Variants in RNF139 observed in about 807,000 individuals in gnomAD.
The protein encoded by RNF139 is ring finger protein 139.
RNF139 carries 15 observed loss-of-function variants against 49.5 expected under a neutral mutation model. The observed-to-expected ratio is 0.30, with a 90% CI of 0.20 to 0.47. The LOEUF is 0.47. Among genes scored for constraint, RNF139 ranks in the 20% least tolerant of loss-of-function variants. The pLI is 1.00. For synonymous variants in RNF139, 325 were observed against 300.9 expected (o/e 1.08, Z -0.83); for missense variants, 619 against 806.3 (o/e 0.77, Z 2.81).
In RNF139 at chr8:124,486,219, A is replaced by G. The variant is rs775793524; in HGVS notation, c.570A>G (p.Thr190=). 2.5e-6 allele frequency: 4 copies of G among 1,614,070 alleles called. No homozygotes were observed. The highest frequency in any genetic ancestry group is 2.2e-5 in the South Asian group (2 of 91,082). The change falls in exon 2 of 2, where the codon ACA becomes ACG. Residue 190 remains threonine (T), a synonymous_variant. Coordinates refer to ENST00000303545, the MANE Select transcript of RNF139 (RefSeq NM_007218.4). The part of the protein sequence containing the change: ...FTSSLILTLN[T]VFVLAVKLKW... ...CTTCCTTGATTCTCACATTAAATAC[A>G]GTGTTTGTCCTGGCAGTGAAACTGA...
In RNF139 at chr8:124,487,723, C is replaced by A; in HGVS notation, c.*79C>A. The A allele has an allele frequency of 7.3e-7, 1 of 1,375,016 alleles. No individual in the cohort carries two copies. The highest frequency in any genetic ancestry group is 9.8e-7 in the Non-Finnish European group (1 of 1,019,688). The allele number at this position is 1,375,016 out of a possible 1,614,324, so 85.2% of individuals were successfully genotyped here. A position where few individuals can be genotyped will look rare whatever the true frequency, so the allele number is the denominator to read the frequency against. Reference sequence around the variant, plus strand: ...AAAATGGAGTAATATCCTTCACCTTCAGTGTGTAACCAAGCACAAAAACAG... The same window carrying A: ...AAAATGGAGTAATATCCTTCACCTTAAGTGTGTAACCAAGCACAAAAACAG... On this transcript the variant is annotated 3_prime_UTR_variant, in exon 2 of 2. Coordinates refer to ENST00000303545, the MANE Select transcript of RNF139 (RefSeq NM_007218.4).
chr8:124,482,936 A>T lies in RNF139; in HGVS notation c.182-2895A>T, dbSNP rs543128453. 4.9e-4 allele frequency among the ~76,000 whole-genome samples: 46 copies of T among 94,608 alleles called. 1 individual carries two copies. Among genetic ancestry groups the T allele is most frequent in the Admixed American group, 1.5e-3 (10 of 6,826 alleles). 62.1% of individuals were successfully genotyped at this position (94,608 alleles called of 152,430 possible). A position where few individuals can be genotyped will look rare whatever the true frequency, so the allele number is the denominator to read the frequency against. On this transcript the variant is annotated intron_variant, in intron 1 of 1. Coordinates refer to ENST00000303545, the MANE Select transcript of RNF139 (RefSeq NM_007218.4). Reference sequence around the variant, plus strand: ...AGCGAAACTCCATTAAAAAAAATATAAAAAAAAATATATATATATATAATA... The same window carrying T: ...AGCGAAACTCCATTAAAAAAAATATTAAAAAAAATATATATATATATAATA...
rs1287844497 is a variant in RNF139, at chr8:124,485,072, A to AT, written c.182-758dup. On this transcript the variant is annotated intron_variant, in intron 1 of 1. Transcript: ENST00000303545. ...TTCCTAAAGAATCCTTTAAAAAAAA[A>AT]TCTAAAACTTGGCTGGGTGCGGTGG... 3.3e-5 allele frequency among the ~76,000 whole-genome samples: 5 copies of AT among 152,028 alleles called. No homozygotes were observed. In the East Asian group the frequency reaches 9.6e-4, roughly 29 times the overall value.
intron 1 of RNF139, among the ~76,000 whole-genome samples, chr8:124,482,733 C>A (rs1816436467): frequency 6.6e-6 from 1 of 150,878 alleles, no homozygotes; most frequent in Non-Finnish European, 1.5e-5. Context: ...TTGAGACCAG[C>A]CTGACCAACG....
At chr8:124,485,736 A>G (rs1816516937) in intron 1 of RNF139, 95 bp from the exon 2 acceptor site, 1 of 1,061,542 alleles carries the variant, frequency 9.4e-7, no homozygotes, top group Non-Finnish European at 1.3e-6. Context: ...GAAAATATTC[A>G]TATTTCCTAA....
At chr8:124,475,942 C>T (rs1050498446) in intron 1 of RNF139, among the ~76,000 whole-genome samples, 5 of 152,316 alleles carry the variant, frequency 3.3e-5, no homozygotes, top group African/African-American at 9.6e-5. Context: ...GCCAAAGAGA[C>T]TTCTGAAAAT....
At chr8:124,476,922 G>T (rs1048693240) in intron 1 of RNF139, among the ~76,000 whole-genome samples, 2 of 152,156 alleles carry the variant, frequency 1.3e-5, no homozygotes, top group African/African-American at 4.8e-5. Context: ...TATTTTCCTT[G>T]TACTAGGCAT....
At position 124,486,858 on chromosome 8, in the gene RNF139, T is replaced by C; in HGVS notation, c.1209T>C (p.Pro403=). ...LFVSACLFIL[P]VLLSYVLWHH... Reference sequence around the variant, plus strand: ...TCTCTGCTTGCCTGTTTATTCTTCCTGTCTTACTCAGTTATGTTCTTTGGC... The same window carrying C: ...TCTCTGCTTGCCTGTTTATTCTTCCCGTCTTACTCAGTTATGTTCTTTGGC... The change falls in exon 2 of 2, where the codon CCT becomes CCC. Residue 403 remains proline (P), a synonymous_variant. Coordinates refer to ENST00000303545, the MANE Select transcript of RNF139 (RefSeq NM_007218.4). 1.2e-6 allele frequency: 2 copies of C among 1,613,960 alleles called. No individual in the cohort carries two copies. The highest frequency in any genetic ancestry group is 1.7e-6 in the Non-Finnish European group (2 of 1,179,992).
chr8:124,483,990 A>G (rs1014836380), intron 1 of RNF139, among the ~76,000 whole-genome samples: 2 of 152,184 alleles, frequency 1.3e-5, no homozygotes, highest in Non-Finnish European at 2.9e-5. Context: ...TTATACTTAG[A>G]TAACTGCAGA....
rs150293365 is a variant in RNF139, at chr8:124,474,895, A to AGCCGCCGCC, written c.-208_-200dup. ...ACCGAAACCCAGAGACCTCCTGGGG[A>AGCCGCCGCC]GCCGCCGCCGCCGCCCTCTCGGCCA... On this transcript the variant is annotated 5_prime_UTR_variant, in exon 1 of 2. Coordinates refer to ENST00000303545, the MANE Select transcript of RNF139 (RefSeq NM_007218.4). The surrounding 1 kb of genome is among the most constrained non-coding windows in gnomAD (Gnocchi z 4.6). The AGCCGCCGCC allele has an allele frequency of 6.4e-6, 2 of 312,970 alleles. No homozygotes were observed. Among genetic ancestry groups the AGCCGCCGCC allele is most frequent in the Non-Finnish European group, 1.2e-5 (2 of 173,370 alleles). 19.4% of individuals were successfully genotyped at this position (312,970 alleles called of 1,614,324 possible).
chr8:124,484,708 T>A (rs796151328), intron 1 of RNF139, among the ~76,000 whole-genome samples: 11 of 152,312 alleles, frequency 7.2e-5, no homozygotes, highest in African/African-American at 2.4e-4. Flanking sequence ...ACTTAAAATA[T>A]GCATTTCTGT....
chr8:124,487,187 A>G lies in RNF139; in HGVS notation c.1538A>G (p.Lys513Arg). The change falls in exon 2 of 2, where the codon AAA becomes AGA. Residue 513 changes from lysine to arginine, a missense_variant. Transcript: ENST00000303545. ...TATTTTAACATCTACTTACAAGCCA[A>G]AAATGGCTGGAAGACATTTATGAAT... ...HAYFNIYLQA[K>R]NGWKTFMNRR... The G allele has an allele frequency of 1.2e-6, 2 of 1,614,080 alleles. No homozygotes were observed. The highest frequency in any genetic ancestry group is 1.7e-6 in the Non-Finnish European group (2 of 1,180,000).
intron 1 of RNF139, among the ~76,000 whole-genome samples, chr8:124,483,107 A>ATATTATTTAAATATATATATAT (rs1403803842): frequency 1.0e-3 from 2 of 1,912 alleles, no homozygotes; most frequent in African/African-American, 0.011. Context: ...AAATATATAT[A>ATATTATTTAAATATATATATAT]TTAAAAATAT....
chr8:124,478,736 T>A (rs1816353438), intron 1 of RNF139, among the ~76,000 whole-genome samples: 1 of 151,934 alleles, frequency 6.6e-6, no homozygotes, highest in African/African-American at 2.4e-5. Context: ...TTTTTTTTTT[T>A]TGAGACGGAG....
intron 1 of RNF139, among the ~76,000 whole-genome samples, chr8:124,483,010 AATAT>A (rs368206010): frequency 5.7e-5 from 4 of 69,982 alleles, no homozygotes; most frequent in Non-Finnish European, 1.0e-4. Flanking sequence ...ATATATTAAA[AATAT>A]ATATATATAT....
In RNF139 at chr8:124,480,161, C is replaced by A. The variant is rs1455051894; in HGVS notation, c.181+4871C>A. ...TCTTAAAAAAAAAAAATAGTCATTT[C>A]TAAGTGTATTCTTACCTAGATGTAT... is the stretch of plus-strand genomic sequence containing the variant. On this transcript the variant is annotated intron_variant, in intron 1 of 1. Transcript: ENST00000303545. Among the ~76,000 whole-genome samples the A allele has an allele frequency of 2.6e-5, 4 of 151,076 alleles. No individual in the cohort carries two copies. The East Asian group carries it at 8.0e-4, about 30-fold the overall frequency.
intron 1 of RNF139, among the ~76,000 whole-genome samples, chr8:124,475,955 TTG>T (rs1182681465): frequency 3.9e-5 from 6 of 152,246 alleles, no homozygotes; most frequent in African/African-American, 9.6e-5. Flanking sequence ...CTGAAAATCA[TTG>T]TCTTTGTTTC....
At chr8:124,483,116 A>T (rs1816476428) in intron 1 of RNF139, among the ~76,000 whole-genome samples, 1 of 101,734 alleles carries the variant, frequency 9.8e-6, no homozygotes, top group Non-Finnish European at 1.9e-5. Flanking sequence ...TATTAAAAAT[A>T]TATATATTTA....
intron 1 of RNF139, among the ~76,000 whole-genome samples, chr8:124,476,474 C>G (rs558293725): frequency 6.6e-6 from 1 of 152,262 alleles, no homozygotes; most frequent in East Asian, 1.9e-4. Context: ...GCTTAAAAAT[C>G]TTTTGACATT....
Sources: gnomAD v4.1 joint callset for allele counts (sites outside exome capture counted in the v4.1 genomes callset) on GRCh38, gnomAD v4.1.1 for gene constraint, Gnocchi (gnomAD v3.1) non-coding constraint, MANE v1.5 for transcripts, NCBI Gene and HGNC (gene_info 2026-07-23, HGNC 2026-07-21) for gene names.